Variants in SKIC8 observed in about 807,000 individuals in gnomAD.
SKIC8 encodes the protein superkiller complex protein 8.
chr15:78,288,330 A>T, the SKIC8 span: 11 of 1,613,922 alleles, frequency 6.8e-6, no homozygotes, highest in Non-Finnish European at 9.3e-6. Flanking sequence ...AAGCAGTGAC[A>T]AGGAGCTGGG....
At chr15:78,291,697 C>G in the SKIC8 span, 1 of 152,344 alleles carries the variant, frequency 6.6e-6, no homozygotes, top group South Asian at 2.1e-4. Flanking sequence ...AATACAGGAA[C>G]AGCCTAGAGT....
At chr15:78,286,150 T>C in the SKIC8 span, 1 of 1,607,968 alleles carries the variant, frequency 6.2e-7, no homozygotes, top group Non-Finnish European at 8.5e-7. Context: ...TGGGAAAGTT[T>C]CAAACAAAAT....
the SKIC8 span, chr15:78,289,656 A>G: frequency 1.9e-6 from 3 of 1,614,022 alleles, no homozygotes; most frequent in Non-Finnish European, 1.7e-6. Context: ...TTGCAATATC[A>G]AAAATATTGA....
At chr15:78,293,876 TATTA>T in the SKIC8 span, among the ~76,000 whole-genome samples, 15 of 152,334 alleles carry the variant, frequency 9.8e-5, no homozygotes, top group Non-Finnish European at 2.1e-4. Context: ...ATCCAATCTC[TATTA>T]ATTAAAGTCT....
the SKIC8 span, chr15:78,294,565 T>C: frequency 4.5e-6 from 1 of 219,962 alleles, no homozygotes; most frequent in Non-Finnish European, 9.1e-6. Context: ...CCAAAGCAAG[T>C]TCTGAGTTCA....
the SKIC8 span, among the ~76,000 whole-genome samples, chr15:78,289,083 C>T: frequency 6.6e-6 from 1 of 152,180 alleles, no homozygotes; most frequent in Non-Finnish European, 1.5e-5. Context: ...CAAACAAGCA[C>T]TTAACACTGT....
chr15:78,298,073 G>A, the SKIC8 span, among the ~76,000 whole-genome samples: 1 of 152,076 alleles, frequency 6.6e-6, no homozygotes, highest in African/African-American at 2.4e-5. Flanking sequence ...CATGAACAGG[G>A]TTCTTTCTGC....
chr15:78,285,899 A>G, the SKIC8 span: 1 of 625,192 alleles, frequency 1.6e-6, no homozygotes, highest in African/African-American at 1.8e-5. Context: ...AACATCACTA[A>G]ATAAAAATTT....
chr15:78,289,006 A>T, the SKIC8 span: 2 of 416,932 alleles, frequency 4.8e-6, no homozygotes, highest in Non-Finnish European at 9.4e-6. Context: ...TAGCAAATAT[A>T]TATTAACACA....
the SKIC8 span, chr15:78,285,435 C>T: frequency 1.9e-6 from 2 of 1,060,216 alleles, no homozygotes; most frequent in Non-Finnish European, 2.9e-6. Context: ...TTCAGACCCC[C>T]CAACCCCATG....
At chr15:78,288,419 C>A in the SKIC8 span, 2 of 1,597,218 alleles carry the variant, frequency 1.3e-6, no homozygotes, top group Admixed American at 1.7e-5. Context: ...TCTGGTGAAC[C>A]ACTGCCTCCT....
chr15:78,293,178 C>T, the SKIC8 span: 2 of 1,614,090 alleles, frequency 1.2e-6, no homozygotes, highest in Non-Finnish European at 1.7e-6. Context: ...ATTTCCAGAC[C>T]TTCACCAGGT....
the SKIC8 span, chr15:78,295,629 T>C: frequency 1.2e-6 from 2 of 1,611,648 alleles, no homozygotes; most frequent in Non-Finnish European, 1.7e-6. Flanking sequence ...GACTTGAACT[T>C]GGCAAAGAGA....
the SKIC8 span, chr15:78,285,244 AAAT>A: frequency 6.2e-7 from 1 of 1,612,900 alleles, no homozygotes; most frequent in Non-Finnish European, 8.5e-7. Flanking sequence ...TCTAAAGATG[AAAT>A]AATAATGCCA....
chr15:78,283,676 C>T, the SKIC8 span: 12 of 536,332 alleles, frequency 2.2e-5, no homozygotes, highest in Non-Finnish European at 3.5e-5. Context: ...AGGCTTTAAC[C>T]GAGCACCTTC....
At chr15:78,288,347 G>C in the SKIC8 span, 3 of 1,613,868 alleles carry the variant, frequency 1.9e-6, no homozygotes, top group Non-Finnish European at 2.5e-6. Flanking sequence ...TGGGAGTCCG[G>C]GGAAAAGGTC....
At chr15:78,296,393 G>A in the SKIC8 span, among the ~76,000 whole-genome samples, 123 of 151,672 alleles carry the variant, frequency 8.1e-4, no homozygotes, top group African/African-American at 2.7e-3. Context: ...GTGACAGAGC[G>A]AGACTCCATC....
the SKIC8 span, chr15:78,285,342 A>G: frequency 1.9e-6 from 3 of 1,614,120 alleles, no homozygotes; most frequent in Middle Eastern, 1.6e-4. Context: ...CAGACGAACT[A>G]TTTTAAAAAG....
the SKIC8 span, chr15:78,292,819 TCAC>T: frequency 1.3e-5 from 21 of 1,609,336 alleles, no homozygotes; most frequent in Admixed American, 3.5e-4. Context: ...ATGGATTTCT[TCAC>T]AAAGAACACA....
Sources: gnomAD v4.1 joint callset for allele counts (sites outside exome capture counted in the v4.1 genomes callset) on GRCh38, gnomAD v4.1.1 for gene constraint, MANE v1.5 for transcripts, NCBI Gene and HGNC (gene_info 2026-07-23, HGNC 2026-07-21) for gene names.